The following OSBPL10 variants were observed in gnomAD, a reference collection of about 807,000 sequenced individuals.
The protein encoded by OSBPL10 is oxysterol binding protein like 10, also known as oxysterol-binding protein-related protein 10.
Under a neutral mutation model 81.7 loss-of-function variants are expected in OSBPL10, and 49 were observed. That is an observed-to-expected ratio of 0.60 (90% CI 0.48 to 0.76). The LOEUF is 0.76. Among genes scored for constraint, OSBPL10 ranks in the 30% least tolerant of loss-of-function variants. The pLI, the probability that OSBPL10 is intolerant of heterozygous loss-of-function variation, is 0.00. For missense variants in OSBPL10, 923 were observed against 987.8 expected, an observed-to-expected ratio of 0.93 and a Z score of 0.88; for synonymous variants, 419 against 383.6, an observed-to-expected ratio of 1.09 and a Z score of -1.08.
chr3:32,032,715 G>A (rs3851344), intron 2 of OSBPL10, among the ~76,000 whole-genome samples: 111,007 of 152,004 alleles, frequency 0.73, 42,629 homozygotes, highest in East Asian at 0.91. Context: ...GTTGACTTAA[G>A]TTGAGGTGAT....
chr3:31,847,282 G>A (rs1348813932), intron 3 of OSBPL10, among the ~76,000 whole-genome samples: 6 of 151,334 alleles, frequency 4.0e-5, no homozygotes, highest in African/African-American at 1.2e-4. Context: ...CTGCAGCCTC[G>A]GTCTCCCAGG....
At chr3:31,798,353 C>T (rs916918993) in intron 4 of OSBPL10, among the ~76,000 whole-genome samples, 4 of 151,712 alleles carry the variant, frequency 2.6e-5, no homozygotes, top group Admixed American at 2.6e-4. Context: ...TCATTTGAAC[C>T]TGGGAGGCAG....
intron 3 of OSBPL10, among the ~76,000 whole-genome samples, chr3:31,856,078 AC>A (rs1283859736): frequency 7.0e-5 from 6 of 85,786 alleles, no homozygotes; most frequent in African/African-American, 1.7e-4. Context: ...TTACACACAC[AC>A]ACACACACAC....
chr3:31,921,799 AG>A (rs1004832345), intron 1 of OSBPL10, among the ~76,000 whole-genome samples: 3 of 152,210 alleles, frequency 2.0e-5, no homozygotes, highest in Non-Finnish European at 4.4e-5. Context: ...GAAACTTCAC[AG>A]GGGAAAAACC....
intron 2 of OSBPL10, among the ~76,000 whole-genome samples, chr3:31,877,855 G>A (rs1463043451): frequency 6.6e-6 from 1 of 152,154 alleles, no homozygotes; most frequent in Non-Finnish European, 1.5e-5. Flanking sequence ...GCAGAAATTA[G>A]GGCCTTTTTC....
At position 31,695,969 on chromosome 3, in the gene OSBPL10, C is replaced by T. The variant is rs942437665; in HGVS notation, c.1245+6390G>A. 4.6e-5 allele frequency among the ~76,000 whole-genome samples: 7 copies of T among 152,160 alleles called. 1 individual carries two copies. The highest frequency in any genetic ancestry group is 2.1e-4 in the South Asian group (1 of 4,830). ...CACGTCAGTATGCATACATACAGAG[C>T]GGCCCTATGAGGAAGGTACAATTAT... On this transcript the variant is annotated intron_variant, in intron 7 of 11. Transcript: ENST00000396556.
chr3:31,702,741 T>C (rs3805074), intron 6 of OSBPL10, among the ~76,000 whole-genome samples: 97,327 of 151,978 alleles, frequency 0.64, 32,051 homozygotes, highest in Middle Eastern at 0.73. Flanking sequence ...GATTAGTGAG[T>C]GTAAGGACTT....
At chr3:31,975,760 T>C (rs573959606) in intron 1 of OSBPL10, among the ~76,000 whole-genome samples, 2 of 152,324 alleles carry the variant, frequency 1.3e-5, no homozygotes, top group East Asian at 1.9e-4. Flanking sequence ...CTGGCTCAAA[T>C]AGAACTAAGC....
intron 4 of OSBPL10, among the ~76,000 whole-genome samples, chr3:31,758,151 G>C (rs543107892): frequency 1.3e-5 from 2 of 152,148 alleles, no homozygotes; most frequent in Non-Finnish European, 2.9e-5. Context: ...CTTAATCTCA[G>C]AGGAAGATGA....
At position 32,065,993 on chromosome 3, in the gene OSBPL10, AAGAAAGAAAGAAAGAG is replaced by A. The variant is rs1699775136; in HGVS notation, n.185+11387_185+11402del. ...AAAGAAAGAAAGAAAGAAAGAAAGA[AAGAAAGAAAGAAAGAG>A]AAAGAAAGAAAGAAAGAGAGAGAGA... On this transcript the variant is annotated intron_variant and non_coding_transcript_variant, in intron 1 of 3. Coordinates refer to the OSBPL10 transcript ENST00000479173. Among the ~76,000 whole-genome samples the A allele has an allele frequency of 3.1e-5, 2 of 64,916 alleles. 1 individual carries two copies. The highest frequency in any genetic ancestry group is 2.1e-3 in the South Asian group (2 of 944). 42.6% of individuals were successfully genotyped at this position (64,916 alleles called of 152,430 possible).
intron 1 of OSBPL10, among the ~76,000 whole-genome samples, chr3:31,957,306 C>T (rs1255598042): frequency 6.6e-6 from 1 of 151,998 alleles, no homozygotes; most frequent in East Asian, 1.9e-4. Flanking sequence ...TTACCCACAA[C>T]CTTTGACTCA....
intron 2 of OSBPL10, among the ~76,000 whole-genome samples, chr3:32,022,354 A>G (rs1468660692): frequency 6.6e-6 from 1 of 152,204 alleles, no homozygotes; most frequent in Non-Finnish European, 1.5e-5. Flanking sequence ...GATGGTTTAC[A>G]GGTAAGGGTT....
chr3:32,066,224 C>T (rs1699780154), intron 1 of OSBPL10, among the ~76,000 whole-genome samples: 1 of 85,348 alleles, frequency 1.2e-5, no homozygotes, highest in African/African-American at 3.0e-5. Flanking sequence ...AAGGACATCC[C>T]CCACCCTTGC....
chr3:31,958,572 T>TC (rs913773496), intron 1 of OSBPL10, among the ~76,000 whole-genome samples: 1 of 152,142 alleles, frequency 6.6e-6, no homozygotes, highest in Non-Finnish European at 1.5e-5. Context: ...CCCATTTTTT[T>TC]CCCAAAAAAA....
intron 4 of OSBPL10, among the ~76,000 whole-genome samples, chr3:31,800,221 C>T (rs1165335995): frequency 6.6e-6 from 1 of 152,138 alleles, no homozygotes; most frequent in Non-Finnish European, 1.5e-5. Flanking sequence ...AATGTCTTCC[C>T]ACCTCCTCCG....
At chr3:31,770,541 C>A (rs1000709989) in intron 4 of OSBPL10, among the ~76,000 whole-genome samples, 2 of 152,142 alleles carry the variant, frequency 1.3e-5, no homozygotes, top group Non-Finnish European at 2.9e-5. Flanking sequence ...AATCTCAACA[C>A]TTTGGGAGGC....
rs191342040 is a variant in OSBPL10, at chr3:32,008,590, A to C, written n.298+37901T>G. Among the ~76,000 whole-genome samples, 461 of 151,816 alleles carry C rather than the reference A, an allele frequency of 3.0e-3. 1 individual carries two copies. The highest frequency in any genetic ancestry group is 0.023 in the East Asian group (118 of 5,140). On this transcript the variant is annotated intron_variant and non_coding_transcript_variant, in intron 2 of 3. Transcript: ENST00000479173. ...TACAAAAAAAAAAAGACAAAAAAAAACCCACAAAAGCTAGCAGAGAGTGGT... is the reference window on the plus strand; with the variant it reads ...TACAAAAAAAAAAAGACAAAAAAAACCCCACAAAAGCTAGCAGAGAGTGGT...
Position 31,702,482 on chromosome 3 carries a change from C to G in OSBPL10, c.1122G>C (p.Leu374Phe). The stretch of plus-strand genomic sequence containing the variant: ...CATTGTCACTTTTTTCATCTTCAGA[C>G]AAAACCAATTCAGAGCCTGAGTTTG... ...PEPNSGSELV[L>F]SEDEKSDNED... Residue 374 changes from leucine to phenylalanine, a missense_variant, in exon 7 of 12, where the codon TTG becomes TTC. By Grantham distance (22) the Leu-to-Phe change is conservative. Transcript: ENST00000396556. The G allele has an allele frequency of 6.2e-7, 1 of 1,614,188 alleles. No homozygotes were observed. Among genetic ancestry groups the G allele is most frequent in the Non-Finnish European group, 8.5e-7 (1 of 1,180,030 alleles).
chr3:31,952,876 T>C (rs999522029), intron 1 of OSBPL10, among the ~76,000 whole-genome samples: 2 of 152,034 alleles, frequency 1.3e-5, no homozygotes, highest in East Asian at 1.9e-4. Flanking sequence ...TATATTCTGG[T>C]TCAACTGGTC....
Sources: gnomAD v4.1 joint callset for allele counts (sites outside exome capture counted in the v4.1 genomes callset) on GRCh38, gnomAD v4.1.1 for gene constraint, MANE v1.5 for transcripts, NCBI Gene and HGNC (gene_info 2026-07-23, HGNC 2026-07-21) for gene names.